OSBPL10: variants seen among roughly 807,000 people sequenced by gnomAD.
OSBPL10 encodes oxysterol-binding protein-related protein 10.
In OSBPL10, 49 loss-of-function variants were observed where a neutral mutation model predicts 81.7. That is an observed-to-expected ratio of 0.60 (90% CI 0.48 to 0.76). The LOEUF (loss-of-function observed/expected upper bound fraction) is 0.76. Ranked by LOEUF, OSBPL10 falls within the 30% of genes least tolerant of loss-of-function variation. OSBPL10 has a pLI of 0.00. For synonymous variants in OSBPL10, 419 were observed against 383.6 expected (o/e 1.09, Z -1.08); for missense variants, 923 against 987.8 (o/e 0.93, Z 0.88).
intron 1 of OSBPL10, among the ~76,000 whole-genome samples, chr3:31,965,028 A>G (rs879376379): frequency 6.6e-6 from 1 of 152,144 alleles, no homozygotes; most frequent in African/African-American, 2.4e-5. Flanking sequence ...CCAAATACAT[A>G]TTCTTTCAAG....
chr3:31,741,995 A>G (rs1350529703), intron 5 of OSBPL10, among the ~76,000 whole-genome samples: 1 of 152,246 alleles, frequency 6.6e-6, no homozygotes, highest in Non-Finnish European at 1.5e-5. Flanking sequence ...TGTAAGTCCA[A>G]TAAACCCCTT....
chr3:32,009,872 C>T (rs1699237154), intron 2 of OSBPL10, among the ~76,000 whole-genome samples: 2 of 152,124 alleles, frequency 1.3e-5, no homozygotes, highest in Admixed American at 6.6e-5. Context: ...CATGTCTCTG[C>T]GAGTATTTCT....
At chr3:31,706,108 A>G (rs2125602412) in intron 6 of OSBPL10, among the ~76,000 whole-genome samples, 1 of 152,356 alleles carries the variant, frequency 6.6e-6, no homozygotes, top group East Asian at 1.9e-4. Context: ...ACCTCAGGGC[A>G]TATGGTGCTA....
At chr3:31,809,590 T>C (rs527706069) in intron 4 of OSBPL10, among the ~76,000 whole-genome samples, 22 of 152,300 alleles carry the variant, frequency 1.4e-4, no homozygotes, top group Admixed American at 9.8e-4. Flanking sequence ...GAGTCTGAAG[T>C]TCTTGTGGAA....
At chr3:31,874,725 G>A (rs892364280) in intron 3 of OSBPL10, among the ~76,000 whole-genome samples, 1 of 152,090 alleles carries the variant, frequency 6.6e-6, no homozygotes, top group South Asian at 2.1e-4. Context: ...TAATGAGAGG[G>A]GGAAACAAAC....
chr3:31,768,593 C>T lies in OSBPL10; in HGVS notation c.730-20473G>A, dbSNP rs553884970. 7.2e-5 allele frequency among the ~76,000 whole-genome samples: 11 copies of T among 152,190 alleles called. No individual in the cohort carries two copies. In the South Asian group the frequency reaches 1.7e-3, roughly 23 times the overall value. On this transcript the variant is annotated intron_variant, in intron 4 of 11. Coordinates refer to ENST00000396556, the MANE Select transcript of OSBPL10 (RefSeq NM_017784.5). ...CACTACAACATAAATACATATTTCACTCCAGGGATAAATTGGCCTATGTTC... is the reference window on the plus strand; with the variant it reads ...CACTACAACATAAATACATATTTCATTCCAGGGATAAATTGGCCTATGTTC...
intron 5 of OSBPL10, among the ~76,000 whole-genome samples, chr3:31,747,309 C>T (rs563311891): frequency 8.6e-5 from 13 of 151,462 alleles, no homozygotes; most frequent in Middle Eastern, 3.4e-3. Context: ...CAGAATGAGA[C>T]TTTGACTCAA....
chr3:31,972,576 A>C (rs982006175), intron 1 of OSBPL10, among the ~76,000 whole-genome samples: 2 of 151,808 alleles, frequency 1.3e-5, no homozygotes, highest in African/African-American at 4.9e-5. Context: ...GATTGCCCTG[A>C]ACACAAGGCC....
intron 2 of OSBPL10, among the ~76,000 whole-genome samples, chr3:31,877,992 T>A (rs576803449): frequency 1.4e-4 from 22 of 152,250 alleles, no homozygotes; most frequent in African/African-American, 5.1e-4. Flanking sequence ...AGGTAAGATG[T>A]GAAATGAGAC....
intron 1 of OSBPL10, among the ~76,000 whole-genome samples, chr3:31,952,930 T>C (rs1365821876): frequency 4.4e-5 from 3 of 68,950 alleles, no homozygotes; most frequent in Non-Finnish European, 6.7e-5. Flanking sequence ...ATCTTCCTAC[T>C]TTTTTTTTTT....
chr3:31,712,208 T>C (rs920386779), intron 6 of OSBPL10, among the ~76,000 whole-genome samples: 1 of 152,226 alleles, frequency 6.6e-6, no homozygotes, highest in Non-Finnish European at 1.5e-5. Flanking sequence ...AATGTATGTT[T>C]CCTAAGTGTG....
intron 1 of OSBPL10, among the ~76,000 whole-genome samples, chr3:31,971,039 G>GC (rs1314740432): frequency 4.0e-5 from 6 of 151,082 alleles, no homozygotes; most frequent in African/African-American, 1.2e-4. Context: ...AAGTGGAGCA[G>GC]CTGCTCCCAC....
intron 2 of OSBPL10, among the ~76,000 whole-genome samples, chr3:32,018,661 A>C (rs1288479833): frequency 6.6e-6 from 1 of 152,144 alleles, no homozygotes; most frequent in East Asian, 1.9e-4. Flanking sequence ...AGCTATGATC[A>C]CACCACTGCC....
At chr3:31,675,006 T>C (rs185781112) in intron 8 of OSBPL10, among the ~76,000 whole-genome samples, 1 of 152,220 alleles carries the variant, frequency 6.6e-6, no homozygotes, top group Non-Finnish European at 1.5e-5. Context: ...TATTTTCACC[T>C]TCAGATGGTC....
chr3:31,786,541 C>T (rs141764711), intron 4 of OSBPL10, among the ~76,000 whole-genome samples: 1 of 152,264 alleles, frequency 6.6e-6, no homozygotes, highest in Non-Finnish European at 1.5e-5. Flanking sequence ...GCTGTGTCCT[C>T]ACATGACAGA....
At chr3:31,786,255 T>C (rs1698856325) in intron 4 of OSBPL10, among the ~76,000 whole-genome samples, 1 of 152,230 alleles carries the variant, frequency 6.6e-6, no homozygotes, top group Admixed American at 6.5e-5. Flanking sequence ...ACTTTGCTTA[T>C]GGCATATTTT....
chr3:31,837,494 G>C lies in OSBPL10; in HGVS notation c.538-7263C>G, dbSNP rs548379616. Among the ~76,000 whole-genome samples the C allele has an allele frequency of 2.3e-3, 355 of 151,066 alleles. No homozygotes were observed. In the Middle Eastern group the frequency reaches 0.024, roughly 10 times the overall value. ...TTAGGTTACAAAGCAAAAAATTACAGTAACCATCATATTTAAGTCATATTT... is the reference window on the plus strand; with the variant it reads ...TTAGGTTACAAAGCAAAAAATTACACTAACCATCATATTTAAGTCATATTT... On this transcript the variant is annotated intron_variant, in intron 3 of 11. Transcript: ENST00000396556.
chr3:31,892,159 G>T (rs1196011129), intron 1 of OSBPL10, among the ~76,000 whole-genome samples: 1 of 151,948 alleles, frequency 6.6e-6, no homozygotes, highest in Non-Finnish European at 1.5e-5. Context: ...ACTCGGGGAA[G>T]AGGAGAGGAG....
chr3:31,738,065 T>C (rs1056321657), intron 5 of OSBPL10, among the ~76,000 whole-genome samples: 2 of 150,538 alleles, frequency 1.3e-5, no homozygotes, highest in Admixed American at 6.6e-5. Context: ...AAAGGATCCA[T>C]GTTCCTGAAG....
Sources: allele counts gnomAD v4.1 joint callset (sites outside exome capture counted in the v4.1 genomes callset), GRCh38; gene constraint gnomAD v4.1.1; transcripts MANE v1.5; gene names NCBI Gene and HGNC (gene_info 2026-07-23, HGNC 2026-07-21).